ZNF609: variants seen among roughly 807,000 people sequenced by gnomAD.
ZNF609 encodes zinc finger protein 609.
Under a neutral mutation model 109.5 loss-of-function variants are expected in ZNF609, and 11 were observed. The observed-to-expected ratio is 0.10, with a 90% CI of 0.06 to 0.17. The LOEUF is 0.17. ZNF609 is among the 10% of genes least tolerant of loss of function. The pLI is 1.00. For missense variants in ZNF609, 1,559 were observed against 1,772.4 expected, an observed-to-expected ratio of 0.88 and a Z score of 2.16; for synonymous variants, 646 against 662.0, an observed-to-expected ratio of 0.98 and a Z score of 0.37.
intron 2 of ZNF609, among the ~76,000 whole-genome samples, chr15:64,540,647 G>A (rs983722432): frequency 8.6e-5 from 13 of 151,036 alleles, no homozygotes; most frequent in African/African-American, 1.7e-4. Flanking sequence ...CTCGTGATCC[G>A]CACGCCTCGG....
chr15:64,668,482 G>A (rs1271209014), intron 3 of ZNF609, among the ~76,000 whole-genome samples: 1 of 152,170 alleles, frequency 6.6e-6, no homozygotes, highest in Non-Finnish European at 1.5e-5. Flanking sequence ...AAGACTGAAT[G>A]GAGCCAAGTG....
chr15:64,523,335 A>G (rs1288886721), intron 2 of ZNF609, among the ~76,000 whole-genome samples: 1 of 152,204 alleles, frequency 6.6e-6, no homozygotes, highest in Non-Finnish European at 1.5e-5. Flanking sequence ...TAAAGTAATT[A>G]TGCTAGCAGC....
At chr15:64,577,147 CAT>C (rs201160851) in intron 2 of ZNF609, among the ~76,000 whole-genome samples, 3 of 38,560 alleles carry the variant, frequency 7.8e-5, no homozygotes, top group African/African-American at 2.1e-4. Flanking sequence ...CAAATATATA[CAT>C]ATGTGTATAT....
intron 2 of ZNF609, among the ~76,000 whole-genome samples, chr15:64,553,450 A>G (rs1894519826): frequency 6.6e-6 from 1 of 151,912 alleles, no homozygotes; most frequent in African/African-American, 2.4e-5. Context: ...TGTATATTTT[A>G]CACATTTTTA....
intron 1 of ZNF609, among the ~76,000 whole-genome samples, chr15:64,468,936 T>C (rs764518862): frequency 6.6e-6 from 1 of 150,948 alleles, no homozygotes; most frequent in Non-Finnish European, 1.5e-5. Flanking sequence ...GAGAGTCAGG[T>C]TGACACTTGT....
At chr15:64,576,362 T>C (rs1456185831) in intron 2 of ZNF609, among the ~76,000 whole-genome samples, 2 of 152,060 alleles carry the variant, frequency 1.3e-5, no homozygotes, top group Non-Finnish European at 2.9e-5. Context: ...AGCTTAAATA[T>C]ATTATAAATT....
intron 1 of ZNF609, among the ~76,000 whole-genome samples, chr15:64,469,850 T>G (rs1893069947): frequency 6.6e-6 from 1 of 152,306 alleles, no homozygotes; most frequent in South Asian, 2.1e-4. Flanking sequence ...AAAAGGAACC[T>G]TAGCTTGTGA....
At position 64,531,542 on chromosome 15, in the gene ZNF609, T is replaced by TG. The variant is rs1380248539; in HGVS notation, c.747+31377dup. Among the ~76,000 whole-genome samples, 6 of 152,208 alleles carry TG rather than the reference T, an allele frequency of 3.9e-5. No individual in the cohort carries two copies. The East Asian group carries it at 1.2e-3, about 29-fold the overall frequency. On this transcript the variant is annotated intron_variant, in intron 2 of 9. Coordinates refer to ENST00000326648, the MANE Select transcript of ZNF609 (RefSeq NM_015042.2). ...CCTACCAAGTAGCTGGGACTACAAATGTGAGCCACCATGCCCAGCTAATTT... is the reference window on the plus strand; with the variant it reads ...CCTACCAAGTAGCTGGGACTACAAATGGTGAGCCACCATGCCCAGCTAATTT...
chr15:64,484,590 C>T (rs1281443980), intron 1 of ZNF609, among the ~76,000 whole-genome samples: 3 of 141,626 alleles, frequency 2.1e-5, no homozygotes, highest in African/African-American at 5.3e-5. Context: ...GCAGGAGAAT[C>T]GTTTGAACCT....
Position 64,499,975 on chromosome 15 carries a change from C to T in ZNF609, c.556C>T (p.Leu186Phe), listed in dbSNP as rs753712314. The T allele has an allele frequency of 3.2e-5, 52 of 1,614,000 alleles. No homozygotes were observed. The highest frequency in any genetic ancestry group is 4.2e-5 in the Non-Finnish European group (50 of 1,180,022). Residue 186 changes from leucine (L) to phenylalanine (F), a missense_variant, in exon 2 of 10, where the codon CTC becomes TTC. This residue lies in a region of ZNF609 where 291 missense variants were observed against 317.8 expected (regional missense o/e 0.92). Transcript: ENST00000326648. The stretch of plus-strand genomic sequence containing the variant: ...TTGTTCAGAAAAGGATCCTGGGGTC[C>T]TCCAGCCAGTTCCCTTGGGAGGACG... ...GTCSEKDPGVLQPVPLGGRGG... is the reference protein window; with the variant it reads ...GTCSEKDPGVFQPVPLGGRGG...
chr15:64,611,176 A>ATGCTTACC (rs1439171623), intron 2 of ZNF609, among the ~76,000 whole-genome samples: 2 of 152,176 alleles, frequency 1.3e-5, no homozygotes, highest in Non-Finnish European at 2.9e-5. Context: ...GCAAATCCTA[A>ATGCTTACC]TGCTTACCTT....
chr15:64,493,323 G>A (rs1443738254), intron 1 of ZNF609, among the ~76,000 whole-genome samples: 1 of 152,104 alleles, frequency 6.6e-6, no homozygotes, highest in East Asian at 1.9e-4. Context: ...CGAAGGAGAG[G>A]CCTTGTTCAT....
At chr15:64,549,451 C>CA (rs1198828835) in intron 2 of ZNF609, among the ~76,000 whole-genome samples, 2 of 152,192 alleles carry the variant, frequency 1.3e-5, no homozygotes, top group Non-Finnish European at 2.9e-5. Context: ...GCTGGGATTA[C>CA]AGGCATGAGC....
intron 3 of ZNF609, chr15:64,631,481 C>G: frequency 2.8e-6 from 2 of 715,452 alleles, no homozygotes; most frequent in Admixed American, 1.8e-5. Flanking sequence ...TACAATATCA[C>G]CTTTCTTATA....
intron 2 of ZNF609, among the ~76,000 whole-genome samples, chr15:64,583,205 G>T (rs566478471): frequency 6.6e-6 from 1 of 150,410 alleles, no homozygotes; most frequent in East Asian, 2.0e-4. Flanking sequence ...GCTAATTTTT[G>T]TATTTTTAGT....
chr15:64,591,596 C>A (rs1042805636), intron 2 of ZNF609, among the ~76,000 whole-genome samples: 1 of 151,856 alleles, frequency 6.6e-6, no homozygotes, highest in Non-Finnish European at 1.5e-5. Flanking sequence ...ATATTTCTCT[C>A]AGCCAGGCAT....
At chr15:64,538,796 C>T (rs576294306) in intron 2 of ZNF609, among the ~76,000 whole-genome samples, 17 of 152,202 alleles carry the variant, frequency 1.1e-4, no homozygotes, top group Middle Eastern at 6.8e-3. Flanking sequence ...TCCACTGCCT[C>T]GACCTCCCAA....
chr15:64,517,457 C>G (rs1938064133), intron 2 of ZNF609, among the ~76,000 whole-genome samples: 1 of 152,138 alleles, frequency 6.6e-6, no homozygotes, highest in African/African-American at 2.4e-5. Context: ...TTTTTCTGGA[C>G]TTACAGGTTG....
intron 3 of ZNF609, among the ~76,000 whole-genome samples, chr15:64,646,222 A>C (rs537091020): frequency 6.6e-6 from 1 of 152,284 alleles, no homozygotes. Flanking sequence ...AAGCTGGTAC[A>C]GTGACTCATG....
Sources: allele counts gnomAD v4.1 joint callset (sites outside exome capture counted in the v4.1 genomes callset), GRCh38; gene constraint gnomAD v4.1.1; regional missense constraint gnomAD v4.1.1; transcripts MANE v1.5; gene names NCBI Gene and HGNC (gene_info 2026-07-23, HGNC 2026-07-21).